Variants in MAST1 observed in about 807,000 individuals in gnomAD.
The protein encoded by MAST1 is microtubule associated serine/threonine kinase 1.
MAST1 carries 40 observed loss-of-function variants against 124.6 expected under a neutral mutation model. The ratio of observed to expected loss-of-function variants is 0.32; its 90% confidence interval spans 0.25 to 0.42. The LOEUF (loss-of-function observed/expected upper bound fraction) is 0.42. Among genes scored for constraint, MAST1 ranks in the 10% least tolerant of loss-of-function variants. The pLI is 1.00. For missense variants in MAST1, 1,558 were observed against 2,181.9 expected (o/e 0.71, Z 5.70); for synonymous variants, 938 against 939.4 (o/e 1.00, Z 0.03).
In MAST1 at chr19:12,858,660, C is replaced by G. The variant is rs775469424; in HGVS notation, c.1287C>G (p.Ala429=). 3.1e-6 allele frequency: 5 copies of G among 1,614,120 alleles called. No homozygotes were observed. The highest frequency in any genetic ancestry group is 3.4e-6 in the Non-Finnish European group (4 of 1,180,050). Residue 429 remains alanine, a synonymous_variant, in exon 12 of 26, where the codon GCC becomes GCG. Transcript: ENST00000251472. ...AFVERDILTF[A]ENPFVVGMFC... ...TGGAGCGCGATATCCTCACCTTCGC[C>G]GAGAACCCGTTTGTGGTCGGCATGT...
In MAST1 at chr19:12,865,611, G is replaced by A. The variant is rs147517521; in HGVS notation, c.1805-106G>A. On this transcript the variant is annotated intron_variant, in intron 15 of 25. Coordinates refer to ENST00000251472, the MANE Select transcript of MAST1 (RefSeq NM_014975.3). The surrounding 1 kb of genome is among the most constrained non-coding windows in gnomAD (Gnocchi z 7.1). The stretch of plus-strand genomic sequence containing the variant: ...GCACTCAGGAGGTCAAGGCTGCAGT[G>A]AGCCATGATCGTGCCACTGCACTCC... The A allele has an allele frequency of 6.8e-4, 988 of 1,445,598 alleles. 15 individuals are homozygous for A. In the East Asian group the frequency reaches 9.8e-3, roughly 14 times the overall value. The allele number at this position is 1,445,598 out of a possible 1,614,324, so 89.5% of individuals were successfully genotyped here.
At position 12,859,838 on chromosome 19, in the gene MAST1, A is replaced by AG. The variant is rs1970058708; in HGVS notation, c.1366+1099_1366+1100insG. On this transcript the variant is annotated intron_variant, in intron 12 of 25. Transcript: ENST00000251472. ...AGACCCTGTCCCGCAAAAAAAAAAAAAAAAAAGTTTTTTGTTTTTTGTTTT... is the reference window on the plus strand; with the variant it reads ...AGACCCTGTCCCGCAAAAAAAAAAAAGAAAAAAGTTTTTTGTTTTTTGTTTT... Among the ~76,000 whole-genome samples the AG allele has an allele frequency of 5.3e-5, 8 of 151,858 alleles. No homozygotes were observed. The South Asian group carries it at 1.7e-3, about 32-fold the overall frequency.
At chr19:12,853,816 G>T (rs576135975) in intron 10 of MAST1, among the ~76,000 whole-genome samples, 8 of 150,784 alleles carry the variant, frequency 5.3e-5, no homozygotes, top group African/African-American at 1.9e-4. Context: ...GTTGGTGTGA[G>T]CCAAGATCCC....
chr19:12,865,658 C>A lies in MAST1; in HGVS notation c.1805-59C>A. ...CTCCAGCTGGGTGACACAGTGAGAT[C>A]CTGTGTCCAAACAACAACAACAACA... On this transcript the variant is annotated intron_variant, in intron 15 of 25. Transcript: ENST00000251472. The surrounding 1 kb of genome is among the most constrained non-coding windows in gnomAD (Gnocchi z 7.1). The A allele has an allele frequency of 6.8e-7, 1 of 1,472,136 alleles. No homozygotes were observed. The allele number at this position is 1,472,136 out of a possible 1,614,324, so 91.2% of individuals were successfully genotyped here.
chr19:12,852,265 C>T lies in MAST1; in HGVS notation c.1009+18C>T, dbSNP rs761317952. ...CTTTCCAGGTGCCGGCTGGTGGGCG[C>T]AGGGGGACTGGGGGTGAGCAGGCCC... On this transcript the variant is annotated intron_variant, in intron 9 of 25. Transcript: ENST00000251472. The T allele has an allele frequency of 2.5e-6, 4 of 1,613,908 alleles. No individual in the cohort carries two copies. In the Admixed American group the frequency reaches 5.0e-5, roughly 20 times the overall value.
chr19:12,849,595 CAGTGGTTGCAGTGAGCCGAGGTTG>C (rs1969937274), intron 7 of MAST1, among the ~76,000 whole-genome samples: 1 of 151,646 alleles, frequency 6.6e-6, no homozygotes, highest in Non-Finnish European at 1.5e-5. Context: ...ATCCGGGAGG[CAGTGGTTGCAGTGAGCCGAGGTTG>C]CGCCACTGCA....
In MAST1 at chr19:12,869,406, C is replaced by T. The variant is rs1599591235; in HGVS notation, c.3003+111C>T. On this transcript the variant is annotated intron_variant, in intron 22 of 25. Coordinates refer to ENST00000251472, the MANE Select transcript of MAST1 (RefSeq NM_014975.3). The stretch of plus-strand genomic sequence containing the variant: ...GAGACACCTCTGTGACCCTCTATGC[C>T]TCTTCCCTCTCTAAACCTGTTTCTT... 4 of 766,356 alleles carry T rather than the reference C, an allele frequency of 5.2e-6. No homozygotes were observed. The East Asian group carries it at 8.1e-5, about 16-fold the overall frequency. The allele number at this position is 766,356 out of a possible 1,614,324, so 47.5% of individuals were successfully genotyped here. A position where few individuals can be genotyped will look rare whatever the true frequency, so the allele number is the denominator to read the frequency against.
rs373376362 is a variant in MAST1 at position 12,874,272 on chromosome 19, C to A, written c.4115C>A (p.Pro1372His). ...SPGGAEACTP[P>H]RATTPGGRTL... ...GGGGGCGCCGAGGCGTGCACCCCAC[C>A]CCGCGCGACGACCCCCGGTGGCCGG... is the stretch of plus-strand genomic sequence containing the variant. The change falls in exon 26 of 26, where the codon CCC becomes CAC. Residue 1372 changes from proline to histidine, a missense_variant. Physicochemically the swap from Pro to His is moderately conservative, Grantham distance 77. Coordinates refer to ENST00000251472, the MANE Select transcript of MAST1 (RefSeq NM_014975.3). The surrounding 1 kb of genome is among the most constrained non-coding windows in gnomAD (Gnocchi z 6.6). 511 of 1,583,942 alleles carry A rather than the reference C, an allele frequency of 3.2e-4. No homozygotes were observed. The highest frequency in any genetic ancestry group is 3.9e-4 in the Non-Finnish European group (456 of 1,170,600).
At chr19:12,859,601 C>T (rs1277411985) in intron 12 of MAST1, among the ~76,000 whole-genome samples, 1 of 151,942 alleles carries the variant, frequency 6.6e-6, no homozygotes, top group South Asian at 2.1e-4. Flanking sequence ...GGGTTCAAGA[C>T]CAGCCTGGCC....
chr19:12,867,712 C>T lies in MAST1; in HGVS notation c.2319-18C>T, dbSNP rs1262599375. The T allele has an allele frequency of 9.1e-6, 14 of 1,531,040 alleles. No homozygotes were observed. The highest frequency in any genetic ancestry group is 8.8e-6 in the Non-Finnish European group (10 of 1,139,932). 94.8% of individuals were successfully genotyped at this position (1,531,040 alleles called of 1,614,324 possible). The stretch of plus-strand genomic sequence containing the variant: ...TCGAAGGGGGCGTGTCTTCCATAAC[C>T]ACGCCCCCTCCATGCAGCAAGCGAT... On this transcript the variant is annotated intron_variant, in intron 19 of 25. Coordinates refer to ENST00000251472, the MANE Select transcript of MAST1 (RefSeq NM_014975.3).
Position 12,838,583 on chromosome 19 carries a change from C to T in MAST1, c.11C>T (p.Ser4Phe). 2 of 1,606,032 alleles carry T rather than the reference C, an allele frequency of 1.2e-6. No individual in the cohort carries two copies. Among genetic ancestry groups the T allele is most frequent in the South Asian group, 1.1e-5 (1 of 90,038 alleles). The part of the protein sequence containing the change: MSD[S>F]LWTALSNFSM... ...CGCCGCCGCCGGGTCATGTCTGACT[C>T]TCTCTGGACCGCGCTTTCTAATTTC... Residue 4 changes from serine to phenylalanine, a missense_variant, in exon 1 of 26, where the codon TCT becomes TTT. Around this residue, in one of 10 missense-constraint regions of MAST1, gnomAD observed 42 missense variants for 54.6 expected, o/e 0.77. Coordinates refer to ENST00000251472, the MANE Select transcript of MAST1 (RefSeq NM_014975.3). This position sits in a 1 kb window ranked among gnomAD's most constrained non-coding sequence, Gnocchi z 4.3.
chr19:12,854,905 C>A (rs1050717430), intron 10 of MAST1, among the ~76,000 whole-genome samples: 1 of 152,132 alleles, frequency 6.6e-6, no homozygotes, highest in African/African-American at 2.4e-5. Flanking sequence ...CCAATGGCCA[C>A]ACATGTGTTT....
chr19:12,849,426 G>C (rs952826710), intron 7 of MAST1, among the ~76,000 whole-genome samples: 7 of 152,158 alleles, frequency 4.6e-5, no homozygotes, highest in Non-Finnish European at 1.0e-4. Context: ...CACTTTGGGA[G>C]GCTGAGGCGA....
At position 12,840,629 on chromosome 19, in the gene MAST1, A is replaced by G. The variant is rs1232410867; in HGVS notation, c.172+95A>G. ...CGTGGTCATGCTACAGAAGGGGCGC[A>G]GTTTGAATGGAGGCGAACCAGTTTG... is the stretch of plus-strand genomic sequence containing the variant. On this transcript the variant is annotated intron_variant, in intron 2 of 25. Coordinates refer to ENST00000251472, the MANE Select transcript of MAST1 (RefSeq NM_014975.3). 4 of 913,146 alleles carry G rather than the reference A, an allele frequency of 4.4e-6. No individual in the cohort carries two copies. In the Admixed American group the frequency reaches 6.1e-5, roughly 14 times the overall value. 56.6% of individuals were successfully genotyped at this position (913,146 alleles called of 1,614,324 possible). A position where few individuals can be genotyped will look rare whatever the true frequency, so the allele number is the denominator to read the frequency against.
At chr19:12,842,416 C>G (rs1969842137) in intron 3 of MAST1, among the ~76,000 whole-genome samples, 1 of 152,056 alleles carries the variant, frequency 6.6e-6, no homozygotes, top group Non-Finnish European at 1.5e-5. Context: ...CCTCAGCTTC[C>G]CAAGTAGCTG....
Position 12,858,315 on chromosome 19 carries a change from G to C in MAST1, c.1078-47G>C. The C allele has an allele frequency of 2.0e-6, 3 of 1,508,174 alleles. No homozygotes were observed. The South Asian group carries it at 3.4e-5, about 17-fold the overall frequency. 93.4% of individuals were successfully genotyped at this position (1,508,174 alleles called of 1,614,324 possible). ...TGTAAAATGAAATTAAAAGCATCCT[G>C]CTCTCATGATGATGATGGTGGTGTG... On this transcript the variant is annotated intron_variant, in intron 10 of 25. Coordinates refer to ENST00000251472, the MANE Select transcript of MAST1 (RefSeq NM_014975.3).
Position 12,871,051 on chromosome 19 carries a change from G to T in MAST1, c.3142G>T (p.Ala1048Ser), listed in dbSNP as rs35052801. The change falls in exon 24 of 26, where the codon GCA becomes TCA. Residue 1048 changes from alanine to serine, a missense_variant. Physicochemically the swap from Ala to Ser is moderately conservative, Grantham distance 99. Around this residue, in one of 10 missense-constraint regions of MAST1, gnomAD observed 291 missense variants for 475.8 expected, o/e 0.61. Coordinates refer to ENST00000251472, the MANE Select transcript of MAST1 (RefSeq NM_014975.3). ...ELILKSGNKV[A>S]VTTTPFENTS... ...CTTCCCCCAGAGTGGCAACAAGGTA[G>T]CAGTGACCACAACGCCCTTCGAAAA... 869 of 1,614,182 alleles carry T rather than the reference G, an allele frequency of 5.4e-4. No individual in the cohort carries two copies. Among genetic ancestry groups the T allele is most frequent in the Non-Finnish European group, 6.6e-4 (777 of 1,180,034 alleles).
chr19:12,855,477 A>T (rs1449894574), intron 10 of MAST1, among the ~76,000 whole-genome samples: 1 of 152,042 alleles, frequency 6.6e-6, no homozygotes, highest in East Asian at 1.9e-4. Context: ...AAATAGAAGA[A>T]GAAGAAGTTC....
Position 12,847,286 on chromosome 19 carries a change from C to G in MAST1, c.328-4C>G, listed in dbSNP as rs1447723453. 1 of 1,610,248 alleles carries G rather than the reference C, an allele frequency of 6.2e-7. No homozygotes were observed. The highest frequency in any genetic ancestry group is 1.7e-5 in the Admixed American group (1 of 59,894). ...TCTGACCCCGGCCCTGCCCCTGTCC[C>G]CAGTCCTCCTGCTCCTCCCAGGAGC... is the stretch of plus-strand genomic sequence containing the variant. On this transcript the variant is annotated splice_region_variant and splice_polypyrimidine_tract_variant and intron_variant, in intron 4 of 25. Transcript: ENST00000251472. This position sits in a 1 kb window ranked among gnomAD's most constrained non-coding sequence, Gnocchi z 5.5.
Sources: gnomAD v4.1 joint callset for allele counts (sites outside exome capture counted in the v4.1 genomes callset) on GRCh38, gnomAD v4.1.1 for gene constraint, gnomAD v4.1.1 regional missense constraint, Gnocchi (gnomAD v3.1) non-coding constraint, MANE v1.5 for transcripts, NCBI Gene and HGNC (gene_info 2026-07-23, HGNC 2026-07-21) for gene names.